CD207: variants seen among roughly 807,000 people sequenced by gnomAD.
The protein encoded by CD207 is CD207 molecule, also known as C-type lectin domain family 4 member K.
CD207 carries 28 observed loss-of-function variants against 31.6 expected under a neutral mutation model. The ratio of observed to expected loss-of-function variants is 0.89; its 90% CI spans 0.66 to 1.21. The LOEUF is 1.21. Among genes scored for constraint, CD207 ranks in the 50% most tolerant of loss-of-function variants. The pLI is 0.00. For missense variants in CD207, 388 were observed against 397.8 expected, an observed-to-expected ratio of 0.98 and a Z score of 0.21; for synonymous variants, 168 against 153.9, an observed-to-expected ratio of 1.09 and a Z score of -0.68.
rs1452682893 is a variant in CD207 at position 70,830,997 on chromosome 2, C to T, written c.*53G>A. The T allele has an allele frequency of 5.9e-6, 9 of 1,531,222 alleles. No individual in the cohort carries two copies. The highest frequency in any genetic ancestry group is 1.2e-5 in the South Asian group (1 of 82,014). 94.9% of individuals were successfully genotyped at this position (1,531,222 alleles called of 1,614,324 possible). ...AGTCTGGGGAAGAAAGAGGCATTTC[C>T]TCATGTTTAACAAGCGTTGGAGCTC... On this transcript the variant is annotated 3_prime_UTR_variant, in exon 6 of 6. Transcript: ENST00000410009.
chr2:70,833,060 C>G lies in CD207; in HGVS notation c.566-9G>C. On this transcript the variant is annotated splice_polypyrimidine_tract_variant and intron_variant, in intron 3 of 5. Transcript: ENST00000410009. ...CACCTGTAGAATATCATCTAGAGAACAAGAGGTAAAAGTGAACGCTGGTAT... is the reference window on the plus strand; with the variant it reads ...CACCTGTAGAATATCATCTAGAGAAGAAGAGGTAAAAGTGAACGCTGGTAT... 1 of 1,613,766 alleles carries G rather than the reference C, an allele frequency of 6.2e-7. No individual in the cohort carries two copies. Among genetic ancestry groups the G allele is most frequent in the South Asian group, 1.1e-5 (1 of 91,036 alleles).
downstream of CD207, among the ~76,000 whole-genome samples, chr2:70,828,615 T>A (rs1222651629): frequency 6.6e-6 from 1 of 152,164 alleles, no homozygotes; most frequent in South Asian, 2.1e-4. Context: ...GGGACCTCCA[T>A]TGCGACTCCT....
intron 3 of CD207, among the ~76,000 whole-genome samples, chr2:70,833,302 G>A (rs944363440): frequency 1.8e-4 from 27 of 152,240 alleles, no homozygotes; most frequent in Middle Eastern, 3.4e-3. Context: ...CCCATGATGA[G>A]GAAGCAACCC....
chr2:70,831,227 T>C (rs781902446), intron 5 of CD207, 27 bp from the exon 6 acceptor site: 1 of 1,583,440 alleles, frequency 6.3e-7, no homozygotes, highest in Non-Finnish European at 8.6e-7. Flanking sequence ...AAAAGATGGA[T>C]TTACAAAGTG....
chr2:70,824,520 G>A, the CD207 span, among the ~76,000 whole-genome samples: 1 of 148,752 alleles, frequency 6.7e-6, no homozygotes, highest in Non-Finnish European at 1.5e-5. Context: ...AGGAAACCAG[G>A]GCTCATTAGA....
At chr2:70,827,042 CCA>C (rs1677361839), downstream of CD207, among the ~76,000 whole-genome samples, 1 of 152,142 alleles carries the variant, frequency 6.6e-6, no homozygotes, top group African/African-American at 2.4e-5. Flanking sequence ...TCACCTCACA[CCA>C]CACTCCAGCT....
At chr2:70,825,998 AT>A (rs797035641), downstream of CD207, among the ~76,000 whole-genome samples, 3 of 24,758 alleles carry the variant, frequency 1.2e-4, no homozygotes, top group African/African-American at 2.8e-4. Flanking sequence ...TTAAAAAAAA[AT>A]TAGCTGGGCA....
chr2:70,824,837 T>C, the CD207 span, among the ~76,000 whole-genome samples: 1 of 152,174 alleles, frequency 6.6e-6, no homozygotes, highest in Non-Finnish European at 1.5e-5. Flanking sequence ...AACAAATAGA[T>C]AAGTCTCTAG....
At chr2:70,834,539 G>A (rs1302217690) in intron 2 of CD207, among the ~76,000 whole-genome samples, 1 of 152,140 alleles carries the variant, frequency 6.6e-6, no homozygotes, top group East Asian at 1.9e-4. Flanking sequence ...ATCTGGAAGT[G>A]GCTTCTCCAG....
chr2:70,825,123 T>A, the CD207 span, among the ~76,000 whole-genome samples: 1 of 152,182 alleles, frequency 6.6e-6, no homozygotes, highest in East Asian at 1.9e-4. Flanking sequence ...ATGGTCTTCC[T>A]CCTGAAACTC....
downstream of CD207, among the ~76,000 whole-genome samples, chr2:70,827,687 G>A (rs1263631005): frequency 6.6e-6 from 1 of 151,962 alleles, no homozygotes; most frequent in Non-Finnish European, 1.5e-5. Flanking sequence ...ATCTTCCAAA[G>A]CACTGGGAAA....
downstream of CD207, among the ~76,000 whole-genome samples, chr2:70,825,813 G>T (rs1434398628): frequency 6.6e-6 from 1 of 152,028 alleles, no homozygotes; most frequent in Admixed American, 6.6e-5. Context: ...GTGAACACAG[G>T]CATGAGCCAC....
downstream of CD207, among the ~76,000 whole-genome samples, chr2:70,827,211 C>A (rs978789656): frequency 6.6e-6 from 1 of 152,210 alleles, no homozygotes; most frequent in Non-Finnish European, 1.5e-5. Context: ...GGAAGCCTTA[C>A]GAAATCCTTT....
At chr2:70,832,848 T>C (rs1677508933) in intron 4 of CD207, 52 bp downstream of exon 4, 2 of 1,538,746 alleles carry the variant, frequency 1.3e-6, no homozygotes, top group Non-Finnish European at 1.8e-6. Context: ...CCATCCTCCC[T>C]GGCCCAGTGC....
Position 70,830,892 on chromosome 2 carries a change from C to T in CD207, c.*158G>A. Reference sequence around the variant, plus strand: ...TGCCTCCAAGACGTCAGAGAATTTCCAGCCAAGACAGACGGACTCCAGAAT... The same window carrying T: ...TGCCTCCAAGACGTCAGAGAATTTCTAGCCAAGACAGACGGACTCCAGAAT... On this transcript the variant is annotated 3_prime_UTR_variant, in exon 6 of 6. Transcript: ENST00000410009. The T allele has an allele frequency of 1.6e-6, 1 of 637,848 alleles. No individual in the cohort carries two copies. The highest frequency in any genetic ancestry group is 2.6e-6 in the Non-Finnish European group (1 of 384,192). 39.5% of individuals were successfully genotyped at this position (637,848 alleles called of 1,614,324 possible). A position where few individuals can be genotyped will look rare whatever the true frequency, so the allele number is the denominator to read the frequency against.
chr2:70,831,866 T>C, intron 4 of CD207, 47 bp from the exon 5 acceptor site: 1 of 1,221,380 alleles, frequency 8.2e-7, no homozygotes, highest in East Asian at 2.3e-5. Flanking sequence ...ACTTGGAGCT[T>C]GATCATCTGT....
At position 70,831,000 on chromosome 2, in the gene CD207, A is replaced by G; in HGVS notation, c.*50T>C. The G allele has an allele frequency of 6.5e-7, 1 of 1,539,858 alleles. No individual in the cohort carries two copies. The highest frequency in any genetic ancestry group is 8.8e-7 in the Non-Finnish European group (1 of 1,131,228). ...CTGGGGAAGAAAGAGGCATTTCCTC[A>G]TGTTTAACAAGCGTTGGAGCTCAAA... On this transcript the variant is annotated 3_prime_UTR_variant, in exon 6 of 6. Coordinates refer to ENST00000410009, the MANE Select transcript of CD207 (RefSeq NM_015717.5).
chr2:70,828,583 G>A (rs1677398037), downstream of CD207, among the ~76,000 whole-genome samples: 1 of 152,186 alleles, frequency 6.6e-6, no homozygotes, highest in African/African-American at 2.4e-5. Context: ...GGGAGCAGCC[G>A]GAGCCCTTCA....
downstream of CD207, among the ~76,000 whole-genome samples, chr2:70,829,542 T>C (rs1553399334): frequency 6.6e-6 from 1 of 152,172 alleles, no homozygotes; most frequent in Non-Finnish European, 1.5e-5. Context: ...CTGGGTGGCA[T>C]GCAGCTGGTC....
Sources: gnomAD v4.1 joint callset for allele counts (sites outside exome capture counted in the v4.1 genomes callset) on GRCh38, gnomAD v4.1.1 for gene constraint, MANE v1.5 for transcripts, NCBI Gene and HGNC (gene_info 2026-07-23, HGNC 2026-07-21) for gene names.